The following DDR2 variants were observed in gnomAD, a reference collection of about 807,000 sequenced individuals.
DDR2 encodes the protein discoidin domain-containing receptor 2.
Under a neutral mutation model 94.9 loss-of-function variants are expected in DDR2, and 27 were observed. The ratio of observed to expected loss-of-function variants is 0.28; its 90% CI spans 0.21 to 0.39. The LOEUF (loss-of-function observed/expected upper bound fraction) is 0.39, where lower values mean the gene tolerates loss of function less well. Among genes scored for constraint, DDR2 ranks in the 10% least tolerant of loss-of-function variants. DDR2 has a pLI of 1.00. For synonymous variants in DDR2, 382 were observed against 377.2 expected, an observed-to-expected ratio of 1.01 and a Z score of -0.15; for missense variants, 783 against 1,076.0, an observed-to-expected ratio of 0.73 and a Z score of 3.81.
chr1:162,662,044 C>G (rs966647142), intron 2 of DDR2, among the ~76,000 whole-genome samples: 1 of 152,086 alleles, frequency 6.6e-6, no homozygotes, highest in Non-Finnish European at 1.5e-5. Context: ...AATTAGAGCC[C>G]CTTATGTTAA....
intron 13 of DDR2, among the ~76,000 whole-genome samples, chr1:162,773,184 C>T (rs533860789): frequency 3.3e-5 from 5 of 152,278 alleles, no homozygotes; most frequent in South Asian, 2.1e-4. Context: ...TTATATTGGG[C>T]TATGCTGTAA....
At chr1:162,764,392 TAA>T (rs375251287) in intron 9 of DDR2, among the ~76,000 whole-genome samples, 9 of 122,592 alleles carry the variant, frequency 7.3e-5, no homozygotes, top group Admixed American at 1.7e-4. Context: ...CAGAATGCTT[TAA>T]AAAAAAAAAA....
intron 5 of DDR2, 86 bp from the exon 6 acceptor site, chr1:162,755,070 G>C (rs1663392201): frequency 1.3e-6 from 2 of 1,577,432 alleles, no homozygotes; most frequent in Non-Finnish European, 1.7e-6. Flanking sequence ...ATTAAGAAGA[G>C]AGAGTCCATC....
At chr1:162,673,709 C>T (rs1216974205) in intron 2 of DDR2, among the ~76,000 whole-genome samples, 4 of 151,032 alleles carry the variant, frequency 2.6e-5, no homozygotes, top group African/African-American at 9.8e-5. Flanking sequence ...TCCATTTTTT[C>T]CCTTCACCTA....
chr1:162,712,579 A>G (rs1660968749), intron 2 of DDR2, among the ~76,000 whole-genome samples: 1 of 151,868 alleles, frequency 6.6e-6, no homozygotes, highest in South Asian at 2.1e-4. Flanking sequence ...CAGTCCTGAG[A>G]TGGAGAGCTG....
At chr1:162,640,256 G>A (rs546167513) in intron 1 of DDR2, among the ~76,000 whole-genome samples, 100 of 152,166 alleles carry the variant, frequency 6.6e-4, no homozygotes, top group Non-Finnish European at 1.1e-3. Flanking sequence ...TGGCCAGGCT[G>A]GTTTCGAACT....
intron 3 of DDR2, among the ~76,000 whole-genome samples, chr1:162,739,923 G>A (rs1176259748): frequency 1.3e-5 from 2 of 150,896 alleles, no homozygotes; most frequent in African/African-American, 4.9e-5. Context: ...GTCAAGAATG[G>A]CCTCAAGATT....
chr1:162,733,378 C>T (rs922123021), intron 3 of DDR2, among the ~76,000 whole-genome samples: 1 of 152,136 alleles, frequency 6.6e-6, no homozygotes, highest in Non-Finnish European at 1.5e-5. Context: ...CTCAGAAGTG[C>T]CACGTTGGTT....
At position 162,639,533 on chromosome 1, in the gene DDR2, C is replaced by T. The variant is rs72707621; in HGVS notation, c.-192+6902C>T. Reference sequence around the variant, plus strand: ...AATGTAAATGCAAAACAATGAAACTCATAGAAAATAACATAGGAAAAAATC... The same window carrying T: ...AATGTAAATGCAAAACAATGAAACTTATAGAAAATAACATAGGAAAAAATC... On this transcript the variant is annotated intron_variant, in intron 1 of 17. Transcript: ENST00000367921. Among the ~76,000 whole-genome samples, 1,095 of 152,260 alleles carry T rather than the reference C, an allele frequency of 7.2e-3. 5 individuals are homozygous for T. Among genetic ancestry groups the T allele is most frequent in the Non-Finnish European group, 0.012 (805 of 68,016 alleles).
chr1:162,666,618 A>G (rs1163330563), intron 2 of DDR2, among the ~76,000 whole-genome samples: 2 of 152,172 alleles, frequency 1.3e-5, no homozygotes, highest in East Asian at 3.9e-4. Context: ...TGTGTTCCAT[A>G]AGGAGCATGT....
chr1:162,775,203 G>T (rs2102193750), intron 14 of DDR2, among the ~76,000 whole-genome samples: 1 of 151,436 alleles, frequency 6.6e-6, no homozygotes, highest in Non-Finnish European at 1.5e-5. Context: ...GCCAAAGATG[G>T]TTGTTCACAT....
At chr1:162,719,203 C>T in intron 3 of DDR2, 58 bp downstream of exon 3, 1 of 1,611,940 alleles carries the variant, frequency 6.2e-7, no homozygotes, top group African/African-American at 1.3e-5. Flanking sequence ...TTAAACCCAT[C>T]AATGTTCAAT....
At chr1:162,689,604 C>A (rs148718396) in intron 2 of DDR2, among the ~76,000 whole-genome samples, 82 of 150,700 alleles carry the variant, frequency 5.4e-4, no homozygotes, top group African/African-American at 1.9e-3. Context: ...TTTGGGTTTA[C>A]TTTAAATTGA....
rs1161314114 is a variant in DDR2 at position 162,783,887 on chromosome 1, G to A, written c.*3641G>A. 4 of 152,138 alleles carry A rather than the reference G, an allele frequency of 2.6e-5. No individual in the cohort carries two copies. Among genetic ancestry groups the A allele is most frequent in the Non-Finnish European group, 5.9e-5 (4 of 68,024 alleles). The allele number at this position is 152,138 out of a possible 1,614,324, so 9.4% of individuals were successfully genotyped here. ...GAAAGGAACTCTTTGCCTGAACTGG[G>A]CTTGGTTTTCCAAGTGCTGCTTTGG... On this transcript the variant is annotated 3_prime_UTR_variant, in exon 18 of 18. Coordinates refer to ENST00000367921, the MANE Select transcript of DDR2 (RefSeq NM_006182.4).
At chr1:162,716,373 C>T (rs549642854) in intron 2 of DDR2, among the ~76,000 whole-genome samples, 1 of 152,154 alleles carries the variant, frequency 6.6e-6, no homozygotes, top group Non-Finnish European at 1.5e-5. Context: ...GAGCTCGGGT[C>T]TCTCTGGAAG....
At chr1:162,693,482 C>T (rs913721695) in intron 2 of DDR2, among the ~76,000 whole-genome samples, 5 of 152,028 alleles carry the variant, frequency 3.3e-5, no homozygotes, top group African/African-American at 9.7e-5. Context: ...GACAATGTGC[C>T]GGGAACTATT....
rs376303676 is a variant in DDR2 at position 162,759,881 on chromosome 1, G to A, written c.757G>A (p.Gly253Ser). The change falls in exon 8 of 18, where the codon GGC becomes AGC. Residue 253 changes from glycine to serine, a missense_variant. This residue lies in a region of DDR2 where 519 missense variants were observed against 647.9 expected (regional missense o/e 0.80). Transcript: ENST00000367921. ...GACCCATGAATACCACGTGTGGCCC[G>A]GCTATGACTATGTGGGCTGGCGGAA... ...TQTHEYHVWPGYDYVGWRNES... is the reference protein window; with the variant it reads ...TQTHEYHVWPSYDYVGWRNES... 42 of 1,614,016 alleles carry A rather than the reference G, an allele frequency of 2.6e-5. No individual in the cohort carries two copies. The highest frequency in any genetic ancestry group is 1.0e-4 in the Admixed American group (6 of 59,982).
chr1:162,696,312 C>G (rs1193606556), intron 2 of DDR2, among the ~76,000 whole-genome samples: 15 of 150,804 alleles, frequency 9.9e-5, no homozygotes, highest in Admixed American at 9.3e-4. Flanking sequence ...TGTGCATGCT[C>G]TGAGCAAAAA....
chr1:162,656,434 C>A (rs923971455), intron 2 of DDR2, among the ~76,000 whole-genome samples: 3 of 152,116 alleles, frequency 2.0e-5, no homozygotes, highest in Non-Finnish European at 4.4e-5. Context: ...ATTATCTCTT[C>A]CTTTCTGTTT....
Sources: gnomAD v4.1 joint callset for allele counts (sites outside exome capture counted in the v4.1 genomes callset) on GRCh38, gnomAD v4.1.1 for gene constraint, gnomAD v4.1.1 regional missense constraint, MANE v1.5 for transcripts, NCBI Gene and HGNC (gene_info 2026-07-23, HGNC 2026-07-21) for gene names.